The following LRRTM4 variants were observed in gnomAD, a reference collection of about 807,000 sequenced individuals.
LRRTM4 encodes leucine-rich repeat transmembrane neuronal protein 4.
In LRRTM4, 25 loss-of-function variants were observed where a neutral mutation model predicts 47.6. That is an observed-to-expected ratio of 0.53 (90% confidence interval 0.38 to 0.73). The LOEUF is 0.73. LRRTM4 is among the 30% of genes least tolerant of loss of function. LRRTM4 has a pLI of 0.00. For missense variants in LRRTM4, 638 were observed against 713.4 expected, an observed-to-expected ratio of 0.89 and a Z score of 1.20; for synonymous variants, 311 against 269.5, an observed-to-expected ratio of 1.15 and a Z score of -1.51.
intron 3 of LRRTM4, among the ~76,000 whole-genome samples, chr2:77,255,873 A>T (rs981947467): frequency 6.6e-6 from 1 of 152,116 alleles, no homozygotes; most frequent in Non-Finnish European, 1.5e-5. Flanking sequence ...GAAAAAGAAA[A>T]GCAAAATAAA....
chr2:77,002,910 T>C (rs983629318), intron 3 of LRRTM4, among the ~76,000 whole-genome samples: 1 of 152,298 alleles, frequency 6.6e-6, no homozygotes, highest in Admixed American at 6.5e-5. Context: ...TTTAATTTAT[T>C]CTATTCATTT....
At chr2:76,782,123 T>G (rs933379609) in intron 3 of LRRTM4, among the ~76,000 whole-genome samples, 3 of 152,254 alleles carry the variant, frequency 2.0e-5, no homozygotes, top group Non-Finnish European at 2.9e-5. Context: ...CTTATAGCTA[T>G]CTTGCACCCG....
At chr2:76,888,117 T>C (rs112484251) in intron 3 of LRRTM4, among the ~76,000 whole-genome samples, 2,147 of 150,894 alleles carry the variant, frequency 0.014, 71 homozygotes, top group South Asian at 0.078. Flanking sequence ...TACATATGTA[T>C]ACATATGTGT....
At chr2:76,962,406 T>A in intron 3 of LRRTM4, among the ~76,000 whole-genome samples, 1 of 151,176 alleles carries the variant, frequency 6.6e-6, no homozygotes, top group African/African-American at 2.4e-5. Flanking sequence ...GCCTCAATTT[T>A]TGTTGTTTGC....
chr2:77,278,419 A>G (rs1259560251), intron 3 of LRRTM4, among the ~76,000 whole-genome samples: 2 of 151,914 alleles, frequency 1.3e-5, no homozygotes, highest in Non-Finnish European at 2.9e-5. Context: ...CACCATACTT[A>G]TGTCCGTGAA....
intron 3 of LRRTM4, among the ~76,000 whole-genome samples, chr2:77,084,098 C>A (rs1405550545): frequency 1.3e-5 from 2 of 152,058 alleles, no homozygotes; most frequent in African/African-American, 2.4e-5. Context: ...AGCCACCATG[C>A]GTGGCCCTGG....
intron 3 of LRRTM4, among the ~76,000 whole-genome samples, chr2:77,123,650 T>C (rs1332539454): frequency 6.6e-6 from 1 of 152,144 alleles, no homozygotes; most frequent in Non-Finnish European, 1.5e-5. Flanking sequence ...TTTTTCTCTT[T>C]TAAAAATTCT....
At position 77,321,599 on chromosome 2, in the gene LRRTM4, G is replaced by GAAAAAAGAAAAAAC. The variant is rs143163855; in HGVS notation, c.1551+196718_1551+196719insGTTTTTTCTTTTTT. The stretch of plus-strand genomic sequence containing the variant: ...AAAGAAAAGAAAAGAAAAGAAAAAA[G>GAAAAAAGAAAAAAC]AAATGAATTGCCATGACTTAATGTG... On this transcript the variant is annotated intron_variant, in intron 3 of 3. Transcript: ENST00000409884. Among the ~76,000 whole-genome samples the GAAAAAAGAAAAAAC allele has an allele frequency of 6.9e-3, 1,009 of 145,362 alleles. 20 individuals carry two copies. The highest frequency in any genetic ancestry group is 0.026 in the African/African-American group (968 of 37,606).
intron 3 of LRRTM4, among the ~76,000 whole-genome samples, chr2:77,391,371 T>C (rs1673498734): frequency 6.6e-6 from 1 of 152,046 alleles, no homozygotes; most frequent in South Asian, 2.1e-4. Context: ...GTGCTTTCTG[T>C]ACTTTTTAAA....
chr2:76,917,583 G>C (rs958578023), intron 3 of LRRTM4, among the ~76,000 whole-genome samples: 1 of 152,068 alleles, frequency 6.6e-6, no homozygotes, highest in Non-Finnish European at 1.5e-5. Context: ...AGGTCACCGA[G>C]TACTGTAAAT....
In LRRTM4 at chr2:77,033,667, T is replaced by C. The variant is rs1308585297; in HGVS notation, c.1552-284751A>G. ...TGTAGTGAAGGGTGATAATAATCTA[T>C]GCTATGCAAAAGTCAACATAGAGCT... On this transcript the variant is annotated intron_variant, in intron 3 of 3. Transcript: ENST00000409884. Among the ~76,000 whole-genome samples the C allele has an allele frequency of 3.9e-5, 6 of 152,070 alleles. No individual in the cohort carries two copies. The South Asian group carries it at 1.0e-3, about 26-fold the overall frequency.
At chr2:77,475,095 T>G (rs1465797606) in intron 3 of LRRTM4, among the ~76,000 whole-genome samples, 1 of 152,012 alleles carries the variant, frequency 6.6e-6, no homozygotes. Flanking sequence ...GTGACCAGGA[T>G]AGAAAATGTA....
At chr2:77,063,596 A>G (rs56259231) in intron 3 of LRRTM4, among the ~76,000 whole-genome samples, 1 of 152,062 alleles carries the variant, frequency 6.6e-6, no homozygotes, top group Non-Finnish European at 1.5e-5. Flanking sequence ...AAGTCTTTAA[A>G]ATATGTTATT....
rs61718845 is a variant in LRRTM4 at position 77,075,914 on chromosome 2, C to CAAAAAAAAAAAAA, written c.1552-327011_1552-326999dup. Among the ~76,000 whole-genome samples the CAAAAAAAAAAAAA allele has an allele frequency of 1.4e-3, 50 of 36,846 alleles. 3 individuals are homozygous for CAAAAAAAAAAAAA. Among genetic ancestry groups the CAAAAAAAAAAAAA allele is most frequent in the African/African-American group, 3.5e-3 (40 of 11,540 alleles). The allele number at this position is 36,846 out of a possible 152,430, so 24.2% of individuals were successfully genotyped here. A position where few individuals can be genotyped will look rare whatever the true frequency, so the allele number is the denominator to read the frequency against. On this transcript the variant is annotated intron_variant, in intron 3 of 3. Transcript: ENST00000409884. Reference sequence around the variant, plus strand: ...TGGGCGACAGAGCGAGACTCCGTCTCAAAAAAAAAAAAAAAAAAAAAAAAA... The same window carrying CAAAAAAAAAAAAA: ...TGGGCGACAGAGCGAGACTCCGTCTCAAAAAAAAAAAAAAAAAAAAAAAAAAAAAAAAAAAAAA...
chr2:76,813,293 C>T (rs1670799618), intron 3 of LRRTM4, among the ~76,000 whole-genome samples: 1 of 152,150 alleles, frequency 6.6e-6, no homozygotes, highest in Admixed American at 6.5e-5. Context: ...TTTTTCTTTA[C>T]ATAAATCATC....
chr2:77,266,558 A>C (rs748476066), intron 3 of LRRTM4, among the ~76,000 whole-genome samples: 9 of 152,194 alleles, frequency 5.9e-5, no homozygotes, highest in Non-Finnish European at 8.8e-5. Context: ...TAAATGATTT[A>C]GTAGAGTGGA....
intron 3 of LRRTM4, among the ~76,000 whole-genome samples, chr2:77,244,195 A>C (rs909556120): frequency 3.6e-5 from 5 of 137,738 alleles, no homozygotes; most frequent in Non-Finnish European, 7.7e-5. Context: ...GTTGGTTCCA[A>C]GTCTTTGCTA....
At chr2:77,271,645 G>C (rs537711828) in intron 3 of LRRTM4, among the ~76,000 whole-genome samples, 3 of 152,192 alleles carry the variant, frequency 2.0e-5, no homozygotes, top group African/African-American at 7.2e-5. Context: ...GCTTCCTAAA[G>C]GGTCTTTCTG....
At chr2:77,184,549 C>A (rs1407978923) in intron 3 of LRRTM4, among the ~76,000 whole-genome samples, 1 of 152,100 alleles carries the variant, frequency 6.6e-6, no homozygotes, top group Non-Finnish European at 1.5e-5. Context: ...ATGTCACTGG[C>A]AATGCCAACA....
Sources: allele counts gnomAD v4.1 joint callset (sites outside exome capture counted in the v4.1 genomes callset), GRCh38; gene constraint gnomAD v4.1.1; transcripts MANE v1.5; gene names NCBI Gene and HGNC (gene_info 2026-07-23, HGNC 2026-07-21).